Variants in ZFHX3 observed in about 807,000 individuals in gnomAD.
The protein encoded by ZFHX3 is zinc finger homeobox 3.
Under a neutral mutation model 279.1 loss-of-function variants are expected in ZFHX3, and 42 were observed. The observed-to-expected ratio is 0.15, with a 90% CI of 0.12 to 0.19. The LOEUF (loss-of-function observed/expected upper bound fraction) is 0.19. Among genes scored for constraint, ZFHX3 ranks in the 10% least tolerant of loss-of-function variants. The pLI, the probability that ZFHX3 is intolerant of heterozygous loss-of-function variation, is 1.00. For missense variants in ZFHX3, 4,981 were observed against 4,754.0 expected, an observed-to-expected ratio of 1.05 and a Z score of -1.40; for synonymous variants, 2,293 against 1,957.8, an observed-to-expected ratio of 1.17 and a Z score of -4.52.
chr16:73,223,874 G>A (rs963593192), intron 5 of ZFHX3, among the ~76,000 whole-genome samples: 3 of 152,104 alleles, frequency 2.0e-5, no homozygotes, highest in Non-Finnish European at 2.9e-5. Context: ...GTGCTAAAAA[G>A]GAACACACTA....
upstream of ZFHX3, among the ~76,000 whole-genome samples, chr16:73,050,929 C>G (rs1048410556): frequency 6.6e-6 from 1 of 152,218 alleles, no homozygotes; most frequent in African/African-American, 2.4e-5. Flanking sequence ...CTCTCCAAGC[C>G]AGAGGCCTGC....
upstream of ZFHX3, among the ~76,000 whole-genome samples, chr16:73,062,974 T>C (rs1397015634): frequency 6.6e-6 from 1 of 152,258 alleles, no homozygotes; most frequent in African/African-American, 2.4e-5. Context: ...GTTAACATGA[T>C]CTAAACATCC....
At chr16:73,117,505 A>G (rs17621111) in intron 7 of ZFHX3, among the ~76,000 whole-genome samples, 35,111 of 152,164 alleles carry the variant, frequency 0.23, 4,156 homozygotes, top group South Asian at 0.27. Flanking sequence ...ACCTCTGACT[A>G]TGGTTACGAC....
At chr16:73,368,733 C>T (rs2016572404) in intron 3 of ZFHX3, among the ~76,000 whole-genome samples, 2 of 152,148 alleles carry the variant, frequency 1.3e-5, no homozygotes, top group African/African-American at 4.8e-5. Context: ...TTCTTGAGTG[C>T]AAAGGTTGTT....
intron 1 of ZFHX3, among the ~76,000 whole-genome samples, chr16:73,698,421 ATT>A (rs993391498): frequency 6.6e-6 from 1 of 152,204 alleles, no homozygotes; most frequent in Non-Finnish European, 1.5e-5. Flanking sequence ...GTGGGTGAAC[ATT>A]TGAGTCTCAA....
intron 1 of ZFHX3, among the ~76,000 whole-genome samples, chr16:73,781,598 C>G (rs2142304282): frequency 6.6e-6 from 1 of 152,332 alleles, no homozygotes; most frequent in South Asian, 2.1e-4. Flanking sequence ...CTACTGGGTC[C>G]TTTACAGAAG....
chr16:73,322,078 C>T (rs2015585659), intron 3 of ZFHX3, among the ~76,000 whole-genome samples: 1 of 152,214 alleles, frequency 6.6e-6, no homozygotes, highest in South Asian at 2.1e-4. Flanking sequence ...TTCCCTCCGT[C>T]GATCTGACTT....
chr16:73,131,039 C>T, exon 7 of ZFHX3: 1 of 1,277,390 alleles, frequency 7.8e-7, no homozygotes, highest in Non-Finnish European at 1.0e-6. Context: ...GGGCTCCAAT[C>T]CAGGTCCTGT....
At chr16:73,888,196 C>G (rs186336220) in intron 1 of ZFHX3, among the ~76,000 whole-genome samples, 1 of 152,208 alleles carries the variant, frequency 6.6e-6, no homozygotes, top group Non-Finnish European at 1.5e-5. Context: ...ATGAGTAAAA[C>G]TAGGTTAGAA....
At chr16:73,520,040 C>A (rs2019586007) in intron 2 of ZFHX3, among the ~76,000 whole-genome samples, 2 of 152,028 alleles carry the variant, frequency 1.3e-5, no homozygotes, top group African/African-American at 4.8e-5. Context: ...GAAACTGCTG[C>A]CATTTGGGGT....
Position 72,795,345 on chromosome 16 carries a change from T to C in ZFHX3, c.7337A>G (p.Lys2446Arg). ...CAGCTCTGGCTTTGGTTGTCCTTGC[T>C]TTTCTTGGGTTTGGTTTGGCTGTGC... ...PSAQPNQTQE[K>R]QGQPKPELQQ... The change falls in exon 9 of 10, where the codon AAG becomes AGG. Residue 2446 changes from lysine to arginine, a missense_variant. Transcript: ENST00000268489. The C allele has an allele frequency of 6.2e-7, 1 of 1,614,062 alleles. No homozygotes were observed. The highest frequency in any genetic ancestry group is 8.5e-7 in the Non-Finnish European group (1 of 1,180,030).
chr16:73,242,892 C>T (rs2013167376), intron 5 of ZFHX3, among the ~76,000 whole-genome samples: 1 of 152,204 alleles, frequency 6.6e-6, no homozygotes, highest in Admixed American at 6.5e-5. Context: ...GAAGCCATTG[C>T]AGCAACTGGG....
chr16:73,055,700 A>G lies in ZFHX3; in HGVS notation c.-24+2830T>C, dbSNP rs766871732. On this transcript the variant is annotated intron_variant, in intron 1 of 8. Transcript: ENST00000397992. ...CGTACGCGCGCGCGCGCGCGCGCGC[A>G]CACACACACACACACACACACATAC... is the stretch of plus-strand genomic sequence containing the variant. Among the ~76,000 whole-genome samples the G allele has an allele frequency of 6.4e-3, 540 of 84,814 alleles. 1 individual carries two copies. The highest frequency in any genetic ancestry group is 9.9e-3 in the Non-Finnish European group (288 of 28,952). The allele number at this position is 84,814 out of a possible 152,430, so 55.6% of individuals were successfully genotyped here.
intron 1 of ZFHX3, among the ~76,000 whole-genome samples, chr16:73,734,527 A>AT (rs1211909651): frequency 1.1e-4 from 16 of 152,188 alleles, no homozygotes; most frequent in Non-Finnish European, 2.2e-4. Context: ...TGGCTGAAAT[A>AT]TTTACATAGT....
intron 1 of ZFHX3, among the ~76,000 whole-genome samples, chr16:73,891,298 T>C (rs2030529279): frequency 6.6e-6 from 1 of 152,126 alleles, no homozygotes; most frequent in Middle Eastern, 3.4e-3. Context: ...AGCAATCTGT[T>C]GAAGATCAGA....
At chr16:73,583,877 T>A (rs76329394) in intron 2 of ZFHX3, among the ~76,000 whole-genome samples, 223 of 152,104 alleles carry the variant, frequency 1.5e-3, no homozygotes, top group African/African-American at 5.0e-3. Context: ...GACTGTAATA[T>A]GAACGTATAC....
Position 72,958,196 on chromosome 16 carries a change from G to T in ZFHX3, c.1950C>A (p.Gly650=), listed in dbSNP as rs752513899. The T allele has an allele frequency of 6.2e-6, 10 of 1,612,400 alleles. No homozygotes were observed. Among genetic ancestry groups the T allele is most frequent in the African/African-American group, 5.3e-5 (4 of 74,886 alleles). Residue 650 remains glycine, a synonymous_variant, in exon 2 of 10, where the codon GGC becomes GGA. Transcript: ENST00000268489. ...VECPKCDTVL[G]SSRSLGGHMT... The stretch of plus-strand genomic sequence containing the variant: ...TGTGGCCGCCCAGCGAGCGGGAGGA[G>T]CCCAGGACCGTGTCGCATTTGGGGC...
rs138767771 is a variant in ZFHX3, at chr16:73,044,685, A to G, written c.-50+3067T>C. Among the ~76,000 whole-genome samples, 1,208 of 152,254 alleles carry G rather than the reference A, an allele frequency of 7.9e-3. 17 individuals are homozygous for G. The highest frequency in any genetic ancestry group is 0.027 in the African/African-American group (1,131 of 41,538). On this transcript the variant is annotated intron_variant, in intron 1 of 9. Coordinates refer to ENST00000268489, the MANE Select transcript of ZFHX3 (RefSeq NM_006885.4). ...TGCCCAGGCTAGAATGCAATGGCCCAATCTCAGCTCACTGCAACCTCCCCC... is the reference window on the plus strand; with the variant it reads ...TGCCCAGGCTAGAATGCAATGGCCCGATCTCAGCTCACTGCAACCTCCCCC...
chr16:73,776,577 G>A (rs1053538200), intron 1 of ZFHX3, among the ~76,000 whole-genome samples: 9 of 152,156 alleles, frequency 5.9e-5, no homozygotes, highest in Non-Finnish European at 1.5e-5. Context: ...GGATGCAATA[G>A]ACAGAAATGA....
Sources: allele counts gnomAD v4.1 joint callset (sites outside exome capture counted in the v4.1 genomes callset), GRCh38; gene constraint gnomAD v4.1.1; transcripts MANE v1.5; gene names NCBI Gene and HGNC (gene_info 2026-07-23, HGNC 2026-07-21).